The following MECOM variants were observed in gnomAD, a reference collection of about 807,000 sequenced individuals.
The protein encoded by MECOM is histone-lysine N-methyltransferase MECOM.
In MECOM, 13 loss-of-function variants were observed where a neutral mutation model predicts 116.3. That is an observed-to-expected ratio of 0.11 (90% CI 0.07 to 0.18). The LOEUF (loss-of-function observed/expected upper bound fraction) is 0.18. Ranked by LOEUF, MECOM falls within the 10% of genes least tolerant of loss-of-function variation. The pLI, the probability that MECOM is intolerant of heterozygous loss-of-function variation, is 1.00. For synonymous variants in MECOM, 528 were observed against 535.2 expected (o/e 0.99, Z 0.19); for missense variants, 1,299 against 1,509.0 (o/e 0.86, Z 2.31).
chr3:169,405,748 C>T (rs1220377780), intron 1 of MECOM, among the ~76,000 whole-genome samples: 1 of 152,192 alleles, frequency 6.6e-6, no homozygotes, highest in African/African-American at 2.4e-5. Context: ...AAATGTACTA[C>T]CTCTTGAACT....
chr3:169,089,159 A>G lies in MECOM; in HGVS notation c.3426T>C (p.Ser1142=). The stretch of plus-strand genomic sequence containing the variant: ...TTATATGATCTAGAGCAGAAAGTCC[A>G]CTTTTATATTCTTCCTCTTTATACC... The part of the protein sequence containing the change: ...PVRYKEEEYK[S]GLSALDHIRH... Residue 1142 remains serine (S), a synonymous_variant, in exon 16 of 17, where the codon AGT becomes AGC. Coordinates refer to ENST00000651503, the MANE Select transcript of MECOM (RefSeq NM_004991.4). The G allele has an allele frequency of 1.9e-6, 3 of 1,551,124 alleles. No individual in the cohort carries two copies. Among genetic ancestry groups the G allele is most frequent in the Non-Finnish European group, 2.6e-6 (3 of 1,153,660 alleles).
chr3:169,366,357 C>T (rs574073922), intron 2 of MECOM, among the ~76,000 whole-genome samples: 39 of 151,998 alleles, frequency 2.6e-4, no homozygotes, highest in African/African-American at 9.2e-4. Flanking sequence ...TCCAGGATTT[C>T]CTACATCCCT....
intron 1 of MECOM, among the ~76,000 whole-genome samples, chr3:169,578,227 A>G (rs535649534): frequency 2.6e-5 from 4 of 152,310 alleles, no homozygotes; most frequent in Non-Finnish European, 2.9e-5. Context: ...AGTTTTTAAA[A>G]TTATTCTGTG....
intron 1 of MECOM, among the ~76,000 whole-genome samples, chr3:169,493,208 G>A (rs969274329): frequency 1.3e-5 from 2 of 152,034 alleles, no homozygotes; most frequent in Non-Finnish European, 2.9e-5. Flanking sequence ...CCAAGCACTG[G>A]GGCTCAAGAA....
intron 1 of MECOM, among the ~76,000 whole-genome samples, chr3:169,649,701 A>G (rs780509564): frequency 1.7e-4 from 26 of 152,218 alleles, no homozygotes; most frequent in Non-Finnish European, 3.7e-4. Context: ...GAAAAATGTT[A>G]ATAGAGTAAT....
chr3:169,460,808 T>C (rs1560302168), intron 1 of MECOM, among the ~76,000 whole-genome samples: 2 of 152,010 alleles, frequency 1.3e-5, no homozygotes, highest in East Asian at 1.9e-4. Flanking sequence ...AATGGCAGTG[T>C]GATAGCAAAG....
chr3:169,294,670 G>A (rs780391861), intron 2 of MECOM, among the ~76,000 whole-genome samples: 1 of 152,106 alleles, frequency 6.6e-6, no homozygotes, highest in Non-Finnish European at 1.5e-5. Flanking sequence ...TTATACTCTG[G>A]GATCCCAGCC....
chr3:169,493,338 A>G (rs181995848), intron 1 of MECOM, among the ~76,000 whole-genome samples: 13 of 152,230 alleles, frequency 8.5e-5, no homozygotes, highest in African/African-American at 3.1e-4. Context: ...CCTCATCTTC[A>G]AAAGGAATAA....
intron 2 of MECOM, among the ~76,000 whole-genome samples, chr3:169,198,244 A>G (rs955250854): frequency 6.6e-6 from 1 of 152,074 alleles, no homozygotes; most frequent in Non-Finnish European, 1.5e-5. Context: ...TCTTATATTT[A>G]CTTACTATGA....
intron 1 of MECOM, among the ~76,000 whole-genome samples, chr3:169,532,487 T>A (rs909990138): frequency 2.0e-5 from 3 of 152,198 alleles, no homozygotes; most frequent in Non-Finnish European, 4.4e-5. Flanking sequence ...CATGGACTTA[T>A]CAGGGTCAGA....
At chr3:169,597,129 T>C (rs1300109093) in intron 1 of MECOM, among the ~76,000 whole-genome samples, 1 of 152,254 alleles carries the variant, frequency 6.6e-6, no homozygotes, top group East Asian at 1.9e-4. Context: ...AAGTGTAAGA[T>C]GAAGTAAAAT....
chr3:169,632,179 T>C (rs1348401539), intron 1 of MECOM, among the ~76,000 whole-genome samples: 1 of 145,092 alleles, frequency 6.9e-6, no homozygotes, highest in East Asian at 2.1e-4. Context: ...TTCAGAAGCA[T>C]TCTGGAGAGA....
At chr3:169,570,117 G>A (rs530391207) in intron 1 of MECOM, among the ~76,000 whole-genome samples, 41 of 151,796 alleles carry the variant, frequency 2.7e-4, no homozygotes, top group African/African-American at 9.4e-4. Flanking sequence ...AAAGAGAGAA[G>A]AATCAAATAG....
At chr3:169,654,740 T>C (rs947103960) in intron 1 of MECOM, among the ~76,000 whole-genome samples, 1 of 151,930 alleles carries the variant, frequency 6.6e-6, no homozygotes, top group Non-Finnish European at 1.5e-5. Context: ...AGACACAACA[T>C]AGTTGTAAAA....
Position 169,370,874 on chromosome 3 carries a change from G to A in MECOM, c.375+10313C>T, listed in dbSNP as rs192720821. ...AGCTGTTAGAATGACTGTTATTGGCGAAGATGTGGAGAAAAGGGGCTCTTT... is the reference window on the plus strand; with the variant it reads ...AGCTGTTAGAATGACTGTTATTGGCAAAGATGTGGAGAAAAGGGGCTCTTT... On this transcript the variant is annotated intron_variant, in intron 2 of 16. Transcript: ENST00000651503. Among the ~76,000 whole-genome samples the A allele has an allele frequency of 1.9e-3, 285 of 151,930 alleles. 2 individuals are homozygous for A. Among genetic ancestry groups the A allele is most frequent in the African/African-American group, 6.5e-3 (269 of 41,518 alleles).
chr3:169,467,692 T>C (rs1209691878), intron 1 of MECOM, among the ~76,000 whole-genome samples: 3 of 152,206 alleles, frequency 2.0e-5, no homozygotes, highest in Non-Finnish European at 4.4e-5. Flanking sequence ...TTTTGTTTTA[T>C]ATGTTCAGTG....
intron 2 of MECOM, among the ~76,000 whole-genome samples, chr3:169,354,490 A>G (rs1726905028): frequency 6.6e-6 from 1 of 151,850 alleles, no homozygotes; most frequent in African/African-American, 2.4e-5. Context: ...AAAATGATAT[A>G]TTTTTCAAAA....
chr3:169,312,432 G>A (rs1255049949), intron 2 of MECOM, among the ~76,000 whole-genome samples: 2 of 146,254 alleles, frequency 1.4e-5, no homozygotes, highest in African/African-American at 2.5e-5. Context: ...GCAGTGGCGC[G>A]ATCTCGGCTC....
chr3:169,598,629 G>A (rs1415298861), intron 1 of MECOM, among the ~76,000 whole-genome samples: 1 of 152,170 alleles, frequency 6.6e-6, no homozygotes. Flanking sequence ...ATCCTGATCT[G>A]TAGATTTACT....
Sources: allele counts gnomAD v4.1 joint callset (sites outside exome capture counted in the v4.1 genomes callset), GRCh38; gene constraint gnomAD v4.1.1; transcripts MANE v1.5; gene names NCBI Gene and HGNC (gene_info 2026-07-23, HGNC 2026-07-21).